The following REV3L variants were observed in gnomAD, a reference collection of about 807,000 sequenced individuals.
The protein encoded by REV3L is DNA polymerase zeta catalytic subunit.
Under a neutral mutation model 299.4 loss-of-function variants are expected in REV3L, and 69 were observed. The observed-to-expected ratio is 0.23, with a 90% confidence interval of 0.19 to 0.28. The LOEUF (loss-of-function observed/expected upper bound fraction) is 0.28, where lower values mean the gene tolerates loss of function less well. REV3L is among the 10% of genes least tolerant of loss of function. The pLI is 1.00. For synonymous variants in REV3L, 1,238 were observed against 1,271.4 expected (o/e 0.97, Z 0.56); for missense variants, 3,128 against 3,693.8 (o/e 0.85, Z 3.97).
At chr6:111,327,732 T>G (rs1047463031) in intron 25 of REV3L, among the ~76,000 whole-genome samples, 1 of 152,140 alleles carries the variant, frequency 6.6e-6, no homozygotes, top group African/African-American at 2.4e-5. Flanking sequence ...AGATACAAAC[T>G]TTTATTGCTT....
In REV3L at chr6:111,405,604, G is replaced by T; in HGVS notation, c.431C>A (p.Ala144Asp). The T allele has an allele frequency of 6.3e-7, 1 of 1,598,968 alleles. No individual in the cohort carries two copies. Residue 144 changes from alanine to aspartate, a missense_variant, in exon 4 of 32, where the codon GCC becomes GAC. This residue lies in a region of REV3L where 2,409 missense variants were observed against 2,611.8 expected (regional missense o/e 0.92). Coordinates refer to ENST00000368802, the MANE Select transcript of REV3L (RefSeq NM_001372078.1). ...KRICELLQSG[A>D]IMNKFYQPHE... The stretch of plus-strand genomic sequence containing the variant: ...AGGCTGGTAAAATTTATTCATTATG[G>T]CTCCGCTTTGCAAAAGTTCACATAT...
chr6:111,456,151 C>A (rs531137901), intron 1 of REV3L, among the ~76,000 whole-genome samples: 79 of 152,310 alleles, frequency 5.2e-4, no homozygotes, highest in African/African-American at 1.8e-3. Flanking sequence ...ATGCATTTCT[C>A]AGAACACATC....
intron 1 of REV3L, among the ~76,000 whole-genome samples, chr6:111,432,758 C>G (rs1187606008): frequency 6.6e-6 from 1 of 152,198 alleles, no homozygotes; most frequent in Non-Finnish European, 1.5e-5. Context: ...TTCTTTTCAT[C>G]AGCATATGGA....
At chr6:111,431,614 C>T in intron 1 of REV3L, 2 of 782,360 alleles carry the variant, frequency 2.6e-6, no homozygotes, top group Non-Finnish European at 4.5e-6. Context: ...TCTTAAAGAA[C>T]TTGCACAGCA....
Position 111,376,388 on chromosome 6 carries a change from T to G in REV3L, c.1967A>C (p.Glu656Ala). The G allele has an allele frequency of 1.2e-6, 2 of 1,613,260 alleles. No homozygotes were observed. Among genetic ancestry groups the G allele is most frequent in the Non-Finnish European group, 1.7e-6 (2 of 1,179,724 alleles). The stretch of plus-strand genomic sequence containing the variant: ...TTCTTCATAATCAAAAATACTACTT[T>G]CACAGGAAGATACTGGGAGGATCTC... ...KKEILPVSSC[E>A]SSIFDYEEDI... Residue 656 changes from glutamate (E) to alanine (A), a missense_variant, in exon 13 of 32, where the codon GAA becomes GCA. By Grantham distance (107) the Glu-to-Ala change is moderately radical. Transcript: ENST00000368802.
chr6:111,370,320 C>T (rs455650), intron 13 of REV3L, among the ~76,000 whole-genome samples: 102,328 of 151,902 alleles, frequency 0.67, 36,630 homozygotes, highest in Non-Finnish European at 0.81. Flanking sequence ...TGGAAACTAA[C>T]GTCTAAAGAA....
intron 26 of REV3L, among the ~76,000 whole-genome samples, chr6:111,320,943 G>A (rs780567484): frequency 5.3e-5 from 8 of 152,178 alleles, no homozygotes; most frequent in Non-Finnish European, 1.2e-4. Context: ...GAGGCAGCAC[G>A]CCTGGCCAAT....
chr6:111,416,829 T>C (rs887678501), intron 1 of REV3L, among the ~76,000 whole-genome samples: 4 of 152,148 alleles, frequency 2.6e-5, no homozygotes, highest in African/African-American at 7.2e-5. Context: ...TTACAAAAAT[T>C]CACAAAAAGT....
chr6:111,333,578 G>A (rs573070368), intron 22 of REV3L, among the ~76,000 whole-genome samples: 91 of 151,924 alleles, frequency 6.0e-4, no homozygotes, highest in African/African-American at 2.1e-3. Flanking sequence ...AGGTTCAAGC[G>A]ATTCTCCTAC....
upstream of REV3L, chr6:111,483,374 T>C: frequency 2.2e-6 from 1 of 457,930 alleles, no homozygotes; most frequent in South Asian, 3.0e-5. Context: ...TTTCTCCCCC[T>C]CCCCGGGCAC....
Position 111,375,574 on chromosome 6 carries a change from A to G in REV3L, c.2781T>C (p.Tyr927=), listed in dbSNP as rs1461828516. The part of the protein sequence containing the change: ...YTLRAKRKVN[Y]ETEDSESSFV... ...AACTTGACTCACTGTCTTCAGTCTC[A>G]TAATTTACCTTGCGTTTGGCTCTAA... The change falls in exon 13 of 32, where the codon TAT becomes TAC. Residue 927 remains tyrosine, a synonymous_variant. Coordinates refer to ENST00000368802, the MANE Select transcript of REV3L (RefSeq NM_001372078.1). 2 of 1,613,784 alleles carry G rather than the reference A, an allele frequency of 1.2e-6. No individual in the cohort carries two copies. Among genetic ancestry groups the G allele is most frequent in the South Asian group, 1.1e-5 (1 of 91,064 alleles).
At chr6:111,461,029 AAC>A (rs1441076555) in intron 1 of REV3L, among the ~76,000 whole-genome samples, 1 of 152,172 alleles carries the variant, frequency 6.6e-6, no homozygotes, top group African/African-American at 2.4e-5. Context: ...TGATCATGGT[AAC>A]AGTTACTAGC....
chr6:111,373,160 G>C lies in REV3L; in HGVS notation c.5195C>G (p.Thr1732Ser), dbSNP rs530865724. The C allele has an allele frequency of 3.7e-6, 6 of 1,614,052 alleles. No homozygotes were observed. The South Asian group carries it at 6.6e-5, about 18-fold the overall frequency. ...TLSPEIFEKS[T>S]IDSNENRRHN... ...GCGACGATTCTCATTGCTATCTATG[G>C]TTGACTTCTCAAAAATTTCAGGACT... is the stretch of plus-strand genomic sequence containing the variant. Residue 1732 changes from threonine to serine, a missense_variant, in exon 13 of 32, where the codon ACC becomes AGC. Thr to Ser is a moderately conservative substitution (Grantham distance 58, BLOSUM62 1). This residue lies in a region of REV3L where 2,409 missense variants were observed against 2,611.8 expected (regional missense o/e 0.92). Transcript: ENST00000368802.
intron 1 of REV3L, among the ~76,000 whole-genome samples, chr6:111,451,576 T>G (rs1316268963): frequency 6.6e-6 from 1 of 152,136 alleles, no homozygotes; most frequent in African/African-American, 2.4e-5. Context: ...AATAGCTCTG[T>G]GTTGCCTTCT....
chr6:111,375,547 A>T lies in REV3L; in HGVS notation c.2808T>A (p.Phe936Leu). 6.2e-7 allele frequency: 1 copy of T among 1,613,668 alleles called. No homozygotes were observed. The highest frequency in any genetic ancestry group is 1.1e-5 in the South Asian group (1 of 91,016). The change falls in exon 13 of 32, where the codon TTT becomes TTA. Residue 936 changes from phenylalanine to leucine, a missense_variant. By Grantham distance (22) the Phe-to-Leu change is conservative. Coordinates refer to ENST00000368802, the MANE Select transcript of REV3L (RefSeq NM_001372078.1). ...NYETEDSESS[F>L]VTHNSKISLP... ...GACTAATTTTTGAGTTGTGAGTTAC[A>T]AAACTTGACTCACTGTCTTCAGTCT...
intron 31 of REV3L, among the ~76,000 whole-genome samples, chr6:111,303,429 C>G (rs1378429085): frequency 6.6e-6 from 1 of 150,456 alleles, no homozygotes; most frequent in African/African-American, 2.4e-5. Flanking sequence ...TGCAGTGGCA[C>G]AATCTCAGCT....
intron 4 of REV3L, among the ~76,000 whole-genome samples, chr6:111,394,491 C>T (rs1782268136): frequency 6.6e-6 from 1 of 151,982 alleles, no homozygotes; most frequent in Non-Finnish European, 1.5e-5. Context: ...TGTTGAGTTC[C>T]TTACATATTC....
intron 16 of REV3L, among the ~76,000 whole-genome samples, chr6:111,360,119 T>C (rs1778495748): frequency 6.6e-6 from 1 of 152,158 alleles, no homozygotes; most frequent in Admixed American, 6.6e-5. Flanking sequence ...GTTACATAAA[T>C]TATGTGGTAT....
Position 111,299,203 on chromosome 6 carries a change from G to C in REV3L, c.*813C>G, listed in dbSNP as rs1401555997. 1.3e-5 allele frequency: 2 copies of C among 152,402 alleles called. No homozygotes were observed. Among genetic ancestry groups the C allele is most frequent in the African/African-American group, 4.8e-5 (2 of 41,358 alleles). 9.4% of individuals were successfully genotyped at this position (152,402 alleles called of 1,614,324 possible). A position where few individuals can be genotyped will look rare whatever the true frequency, so the allele number is the denominator to read the frequency against. ...TTGTGTTCAAGATGATGGCAAATAA[G>C]ATTAACTGTACAGTACATAAGGAAA... On this transcript the variant is annotated 3_prime_UTR_variant, in exon 32 of 32. Coordinates refer to ENST00000368802, the MANE Select transcript of REV3L (RefSeq NM_001372078.1).
Sources: gnomAD v4.1 joint callset for allele counts (sites outside exome capture counted in the v4.1 genomes callset) on GRCh38, gnomAD v4.1.1 for gene constraint, gnomAD v4.1.1 regional missense constraint, MANE v1.5 for transcripts, NCBI Gene and HGNC (gene_info 2026-07-23, HGNC 2026-07-21) for gene names.